Variants in LIN54 observed in about 807,000 individuals in gnomAD.
LIN54 encodes lin-54 DREAM MuvB core complex component.
A neutral mutation model predicts 78.7 loss-of-function variants in LIN54; 9 were observed. The observed-to-expected ratio is 0.11, with a 90% confidence interval of 0.07 to 0.20. LIN54 has a LOEUF of 0.20. LIN54 is among the 10% of genes least tolerant of loss of function. The pLI, the probability that LIN54 is intolerant of heterozygous loss-of-function variation, is 1.00. For missense variants in LIN54, 573 were observed against 889.9 expected (o/e 0.64, Z 4.53); for synonymous variants, 269 against 318.4 (o/e 0.84, Z 1.65).
At chr4:82,980,568 TA>T (rs11305254) in intron 2 of LIN54, among the ~76,000 whole-genome samples, 151,367 of 152,042 alleles carry the variant, frequency 1, 75,347 homozygotes, top group Middle Eastern at 1. Context: ...ACAAATCACT[TA>T]AAAAAAAACA....
intron 1 of LIN54, among the ~76,000 whole-genome samples, chr4:82,991,068 G>A (rs1727646216): frequency 6.6e-6 from 1 of 151,488 alleles, no homozygotes; most frequent in Non-Finnish European, 1.5e-5. Flanking sequence ...GGATGAGATG[G>A]GAGGATCGCT....
rs539629016 is a variant in LIN54 at position 82,947,773 on chromosome 4, A to G, written c.952-1299T>C. ...AGGATCAAAGAGTCTCTAACCAGATATATAGTATTATTTTATAAATAATTA... is the reference window on the plus strand; with the variant it reads ...AGGATCAAAGAGTCTCTAACCAGATGTATAGTATTATTTTATAAATAATTA... On this transcript the variant is annotated intron_variant, in intron 4 of 12. Transcript: ENST00000340417. Among the ~76,000 whole-genome samples, 3 of 152,250 alleles carry G rather than the reference A, an allele frequency of 2.0e-5. No individual in the cohort carries two copies. In the East Asian group the frequency reaches 5.8e-4, roughly 29 times the overall value.
chr4:82,996,240 A>C (rs1383674254), intron 1 of LIN54, among the ~76,000 whole-genome samples: 1 of 152,034 alleles, frequency 6.6e-6, no homozygotes, highest in Non-Finnish European at 1.5e-5. Flanking sequence ...AGCACATGCA[A>C]CCTCATCGTC....
intron 3 of LIN54, among the ~76,000 whole-genome samples, chr4:82,978,644 G>A (rs915431138): frequency 4.6e-5 from 7 of 152,262 alleles, no homozygotes; most frequent in Non-Finnish European, 8.8e-5. Context: ...TACTATTACT[G>A]GAGTTTGAGA....
intron 4 of LIN54, among the ~76,000 whole-genome samples, chr4:82,962,255 G>A (rs1724861766): frequency 6.6e-6 from 1 of 151,986 alleles, no homozygotes; most frequent in African/African-American, 2.4e-5. Context: ...CAATCCCACA[G>A]AACCAAAGCA....
chr4:82,932,092 A>ATTTTT (rs70943171), intron 11 of LIN54, among the ~76,000 whole-genome samples: 1 of 124,852 alleles, frequency 8.0e-6, no homozygotes, highest in Non-Finnish European at 1.7e-5. Flanking sequence ...GTGTATTTTA[A>ATTTTT]TTTTTTTTTT....
chr4:83,005,544 G>T (rs1051315882), intron 1 of LIN54, among the ~76,000 whole-genome samples: 1 of 149,998 alleles, frequency 6.7e-6, no homozygotes, highest in African/African-American at 2.5e-5. Flanking sequence ...AGAATCACTT[G>T]AACACGGGAG....
At chr4:82,958,012 T>C (rs982143303) in intron 4 of LIN54, among the ~76,000 whole-genome samples, 1 of 152,206 alleles carries the variant, frequency 6.6e-6, no homozygotes, top group Non-Finnish European at 1.5e-5. Flanking sequence ...TTAGCACCTA[T>C]CTCATCACTC....
At chr4:82,962,126 T>C (rs1214799753) in intron 4 of LIN54, among the ~76,000 whole-genome samples, 2 of 152,134 alleles carry the variant, frequency 1.3e-5, no homozygotes, top group Non-Finnish European at 2.9e-5. Context: ...AGTCTTGCTA[T>C]GTTGCCCAGG....
intron 5 of LIN54, among the ~76,000 whole-genome samples, chr4:82,944,337 A>C (rs1723179884): frequency 6.6e-6 from 1 of 152,156 alleles, no homozygotes; most frequent in South Asian, 2.1e-4. Flanking sequence ...ACACACATAA[A>C]ATACAACCAA....
intron 5 of LIN54, among the ~76,000 whole-genome samples, chr4:82,944,060 A>G (rs1243894606): frequency 3.3e-5 from 5 of 151,596 alleles, no homozygotes; most frequent in South Asian, 2.1e-4. Flanking sequence ...CGGTAGAGAC[A>G]GGGTTTCACC....
chr4:82,934,649 A>G (rs1277552401), intron 11 of LIN54, among the ~76,000 whole-genome samples: 2 of 152,246 alleles, frequency 1.3e-5, no homozygotes, highest in Non-Finnish European at 2.9e-5. Flanking sequence ...ACTGGAGGAC[A>G]TGCTCCTGTG....
intron 4 of LIN54, among the ~76,000 whole-genome samples, chr4:82,950,505 G>T (rs1319396795): frequency 6.6e-6 from 1 of 152,168 alleles, no homozygotes; most frequent in Non-Finnish European, 1.5e-5. Context: ...GGCCTGCAAA[G>T]AACAACATGT....
At chr4:82,948,992 T>G (rs1157919210) in intron 4 of LIN54, among the ~76,000 whole-genome samples, 2 of 152,222 alleles carry the variant, frequency 1.3e-5, no homozygotes, top group African/African-American at 2.4e-5. Flanking sequence ...GCAGATATCC[T>G]CAGGAGGTGG....
Position 82,935,978 on chromosome 4 carries a change from C to T in LIN54, c.1845+3G>A. ...ATATTATTTTCCGCACCCAGCATCT[C>T]ACCTCATAGCATTCACAGTAGTTTT... On this transcript the variant is annotated splice_donor_region_variant and intron_variant, in intron 11 of 12. Transcript: ENST00000340417. The T allele has an allele frequency of 6.2e-7, 1 of 1,613,804 alleles. No homozygotes were observed. The highest frequency in any genetic ancestry group is 8.5e-7 in the Non-Finnish European group (1 of 1,179,714).
At chr4:82,989,244 G>A (rs1257708166) in intron 1 of LIN54, among the ~76,000 whole-genome samples, 4 of 151,798 alleles carry the variant, frequency 2.6e-5, no homozygotes, top group Non-Finnish European at 4.4e-5. Context: ...AATTCATTAT[G>A]TATACTGTGA....
At chr4:82,966,237 A>G (rs932709657) in intron 4 of LIN54, among the ~76,000 whole-genome samples, 1 of 152,148 alleles carries the variant, frequency 6.6e-6, no homozygotes, top group Non-Finnish European at 1.5e-5. Context: ...GGGTACTTCA[A>G]TGACAAAAAT....
rs1726950455 is a variant in LIN54, at chr4:82,984,519, G to A, written c.326C>T (p.Thr109Ile). The change falls in exon 2 of 13, where the codon ACT becomes ATT. Residue 109 changes from threonine to isoleucine, a missense_variant. Thr to Ile is a moderately conservative substitution (Grantham distance 89). Coordinates refer to ENST00000340417, the MANE Select transcript of LIN54 (RefSeq NM_194282.4). ...TAAAATAATCTGATTGGCTGATATA[G>A]TCACAGGAGTCTGAGCACCAAGTTT... ...LQKLGAQTPV[T>I]ISANQIILNK... The A allele has an allele frequency of 6.2e-7, 1 of 1,614,126 alleles. No individual in the cohort carries two copies. The highest frequency in any genetic ancestry group is 1.7e-5 in the Admixed American group (1 of 60,012).
Position 82,947,392 on chromosome 4 carries a change from ATTTGTGTGTGTG to A in LIN54, c.952-930_952-919del, listed in dbSNP as rs1280394694. On this transcript the variant is annotated intron_variant, in intron 4 of 12. Coordinates refer to ENST00000340417, the MANE Select transcript of LIN54 (RefSeq NM_194282.4). ...GGACCACAGGTACCACGCCCAGTTA[ATTTGTGTGTGTG>A]TGTGTGTGTGTGTGTGTGTGTGTGT... Among the ~76,000 whole-genome samples the A allele has an allele frequency of 4.9e-5, 4 of 80,956 alleles. No individual in the cohort carries two copies. In the East Asian group the frequency reaches 1.5e-3, roughly 30 times the overall value. The allele number at this position is 80,956 out of a possible 152,430, so 53.1% of individuals were successfully genotyped here.
Sources: allele counts gnomAD v4.1 joint callset (sites outside exome capture counted in the v4.1 genomes callset), GRCh38; gene constraint gnomAD v4.1.1; transcripts MANE v1.5; gene names NCBI Gene and HGNC (gene_info 2026-07-23, HGNC 2026-07-21).